LRRTM4: variants seen among roughly 807,000 people sequenced by gnomAD.
The protein encoded by LRRTM4 is leucine-rich repeat transmembrane neuronal protein 4.
A neutral mutation model predicts 47.6 loss-of-function variants in LRRTM4; 25 were observed. The ratio of observed to expected loss-of-function variants is 0.53; its 90% confidence interval spans 0.38 to 0.73. The LOEUF is 0.73. Among genes scored for constraint, LRRTM4 ranks in the 30% least tolerant of loss-of-function variants. LRRTM4 has a pLI of 0.00. For missense variants in LRRTM4, 638 were observed against 713.4 expected, an observed-to-expected ratio of 0.89 and a Z score of 1.20; for synonymous variants, 311 against 269.5, an observed-to-expected ratio of 1.15 and a Z score of -1.51.
chr2:77,109,982 A>C (rs1572971355), intron 3 of LRRTM4, among the ~76,000 whole-genome samples: 1 of 152,126 alleles, frequency 6.6e-6, no homozygotes, highest in East Asian at 1.9e-4. Context: ...TATAAAAGAC[A>C]AGGAAAGAAA....
At chr2:77,291,083 G>T (rs1676810721) in intron 3 of LRRTM4, among the ~76,000 whole-genome samples, 1 of 151,992 alleles carries the variant, frequency 6.6e-6, no homozygotes, top group South Asian at 2.1e-4. Flanking sequence ...TATGTTCTCA[G>T]TGCATATATT....
intron 3 of LRRTM4, among the ~76,000 whole-genome samples, chr2:77,196,746 ATAAAT>A (rs1436865826): frequency 1.3e-5 from 2 of 152,268 alleles, no homozygotes; most frequent in African/African-American, 4.8e-5. Context: ...TTCTCAAATA[ATAAAT>A]TAAATAAAAT....
chr2:77,264,961 T>A (rs1044185651), intron 3 of LRRTM4, among the ~76,000 whole-genome samples: 2 of 152,128 alleles, frequency 1.3e-5, no homozygotes, highest in Non-Finnish European at 2.9e-5. Flanking sequence ...TTATTTGTTT[T>A]CAAAGATGGT....
intron 3 of LRRTM4, among the ~76,000 whole-genome samples, chr2:76,812,692 TTTCTTTTC>T (rs1230766524): frequency 6.7e-6 from 1 of 149,900 alleles, no homozygotes; most frequent in African/African-American, 2.5e-5. Flanking sequence ...TCTTTCTTTC[TTTCTTTTC>T]TTTCTTTATT....
rs1178357636 is a variant in LRRTM4 at position 76,928,976 on chromosome 2, G to C, written c.1552-180060C>G. ...TATAGTATGTTCTCACTTTCAGAGT[G>C]ACTTAGATATGATTTTGTGAGCATT... On this transcript the variant is annotated intron_variant, in intron 3 of 3. Coordinates refer to ENST00000409884, the MANE Select transcript of LRRTM4 (RefSeq NM_001134745.3). 2.0e-5 allele frequency among the ~76,000 whole-genome samples: 3 copies of C among 152,198 alleles called. No homozygotes were observed. In the East Asian group the frequency reaches 5.8e-4, roughly 29 times the overall value.
chr2:76,769,254 C>A (rs1385876739), intron 3 of LRRTM4, among the ~76,000 whole-genome samples: 1 of 152,092 alleles, frequency 6.6e-6, no homozygotes, highest in Non-Finnish European at 1.5e-5. Flanking sequence ...ACTTAATCTA[C>A]CCTGAAAAAC....
At chr2:76,818,455 T>C (rs1426005455) in intron 3 of LRRTM4, among the ~76,000 whole-genome samples, 2 of 151,842 alleles carry the variant, frequency 1.3e-5, no homozygotes, top group African/African-American at 4.8e-5. Flanking sequence ...TCAACTAAAA[T>C]GGTCTCTCAA....
intron 3 of LRRTM4, among the ~76,000 whole-genome samples, chr2:77,058,503 CT>C (rs1369766039): frequency 1.8e-5 from 2 of 110,040 alleles, no homozygotes; most frequent in African/African-American, 6.2e-5. Flanking sequence ...CTCTTTCCTT[CT>C]TTCTTTCTTC....
chr2:76,976,417 AAAAT>A (rs773303053), intron 3 of LRRTM4, among the ~76,000 whole-genome samples: 3 of 151,860 alleles, frequency 2.0e-5, no homozygotes, highest in Non-Finnish European at 2.9e-5. Context: ...TTCATTAAAA[AAAAT>A]AAACCAAAAC....
At chr2:77,238,085 T>C (rs1675155488) in intron 3 of LRRTM4, among the ~76,000 whole-genome samples, 1 of 152,074 alleles carries the variant, frequency 6.6e-6, no homozygotes, top group Non-Finnish European at 1.5e-5. Flanking sequence ...ATGATAACCA[T>C]AGTTAATTAA....
chr2:77,253,801 T>A (rs948279187), intron 3 of LRRTM4, among the ~76,000 whole-genome samples: 10 of 150,246 alleles, frequency 6.7e-5, no homozygotes, highest in African/African-American at 1.0e-4. Flanking sequence ...TTTAAAAAAA[T>A]TTTATGCAAT....
intron 3 of LRRTM4, among the ~76,000 whole-genome samples, chr2:76,970,870 G>C (rs1676194014): frequency 6.6e-6 from 1 of 151,994 alleles, no homozygotes; most frequent in African/African-American, 2.4e-5. Flanking sequence ...CAGTTTCAGG[G>C]AATGACTGAG....
chr2:76,778,348 C>T, intron 3 of LRRTM4, among the ~76,000 whole-genome samples: 1 of 140,626 alleles, frequency 7.1e-6, no homozygotes, highest in Non-Finnish European at 1.5e-5. Context: ...CCAGTTCCTC[C>T]TTGTACCTCT....
intron 3 of LRRTM4, among the ~76,000 whole-genome samples, chr2:77,167,449 T>C (rs2103824746): frequency 6.6e-6 from 1 of 152,302 alleles, no homozygotes; most frequent in East Asian, 1.9e-4. Flanking sequence ...ATCCCATTAC[T>C]GGGTATATAC....
chr2:77,171,741 AT>A (rs1673054656), intron 3 of LRRTM4, among the ~76,000 whole-genome samples: 1 of 152,072 alleles, frequency 6.6e-6, no homozygotes, highest in Admixed American at 6.6e-5. Flanking sequence ...CTAAGTTAGT[AT>A]TTCAAGGCAA....
intron 3 of LRRTM4, among the ~76,000 whole-genome samples, chr2:77,348,344 T>C (rs1280958458): frequency 6.6e-6 from 1 of 151,736 alleles, no homozygotes; most frequent in African/African-American, 2.4e-5. Flanking sequence ...AAAGGAAATT[T>C]TCTTTTTAAT....
At chr2:77,154,580 G>A (rs1672510813) in intron 3 of LRRTM4, among the ~76,000 whole-genome samples, 2 of 152,016 alleles carry the variant, frequency 1.3e-5, no homozygotes, top group Admixed American at 1.3e-4. Flanking sequence ...TGAATAAAAA[G>A]CAATAAAAAA....
intron 3 of LRRTM4, among the ~76,000 whole-genome samples, chr2:77,287,951 G>T (rs1676710494): frequency 6.6e-6 from 1 of 152,060 alleles, no homozygotes; most frequent in Non-Finnish European, 1.5e-5. Context: ...ATACAACAAA[G>T]GGTAATGTAT....
chr2:77,378,684 C>T (rs1448988540), intron 3 of LRRTM4, among the ~76,000 whole-genome samples: 1 of 152,134 alleles, frequency 6.6e-6, no homozygotes, highest in African/African-American at 2.4e-5. Flanking sequence ...CCAGCCCAAG[C>T]TTTGAAGCCA....
Sources: gnomAD v4.1 joint callset for allele counts (sites outside exome capture counted in the v4.1 genomes callset) on GRCh38, gnomAD v4.1.1 for gene constraint, MANE v1.5 for transcripts, NCBI Gene and HGNC (gene_info 2026-07-23, HGNC 2026-07-21) for gene names.